Variants in CD82 observed in about 807,000 individuals in gnomAD.
CD82 encodes the protein CD82 antigen.
CD82 carries 36 observed loss-of-function variants against 37.4 expected under a neutral mutation model. That is an observed-to-expected ratio of 0.96 (90% CI 0.74 to 1.27). The LOEUF (loss-of-function observed/expected upper bound fraction) is 1.27. Ranked by LOEUF, CD82 falls within the 50% of genes most tolerant of loss-of-function variation. The probability of loss-of-function intolerance (pLI) is 0.00; values close to 1 mark genes in which losing one functional copy is unlikely to be tolerated. For missense variants in CD82, 340 were observed against 347.0 expected (o/e 0.98, Z 0.16); for synonymous variants, 158 against 137.4 (o/e 1.15, Z -1.05).
At chr11:44,584,210 A>G (rs1227604422) in intron 1 of CD82, among the ~76,000 whole-genome samples, 1 of 152,200 alleles carries the variant, frequency 6.6e-6, no homozygotes, top group African/African-American at 2.4e-5. Flanking sequence ...GTTGGGGCTC[A>G]GAGGGGTTTA....
At chr11:44,603,789 G>A (rs952783323) in intron 4 of CD82, among the ~76,000 whole-genome samples, 1 of 152,142 alleles carries the variant, frequency 6.6e-6, no homozygotes, top group Non-Finnish European at 1.5e-5. Context: ...CTACCTCCCG[G>A]AATGGGCCTG....
Position 44,618,239 on chromosome 11 carries a change from C to T in CD82, c.516C>T (p.Tyr172=). The T allele has an allele frequency of 6.2e-7, 1 of 1,614,134 alleles. No individual in the cohort carries two copies. The highest frequency in any genetic ancestry group is 1.7e-5 in the Admixed American group (1 of 60,024). The change falls in exon 8 of 10, where the codon TAC becomes TAT. Residue 172 remains tyrosine (Y), a synonymous_variant. Coordinates refer to ENST00000227155, the MANE Select transcript of CD82 (RefSeq NM_002231.4). ...TCATGAATCGCCCTGAGGTCACCTA[C>T]CCCTGTTCCTGCGAAGTCAAGGGGG... ...AELMNRPEVT[Y]PCSCEVKGEE... is the part of the protein sequence containing the mutation.
At chr11:44,605,921 T>A (rs980613464) in intron 6 of CD82, among the ~76,000 whole-genome samples, 3 of 152,186 alleles carry the variant, frequency 2.0e-5, no homozygotes, top group Non-Finnish European at 4.4e-5. Flanking sequence ...AATAAAAACA[T>A]CAGTCTTGTG....
At position 44,619,298 on chromosome 11, in the gene CD82, C is replaced by T. The variant is rs1590355322; in HGVS notation, c.*172C>T. 1.0e-5 allele frequency: 6 copies of T among 602,072 alleles called. No individual in the cohort carries two copies. Among genetic ancestry groups the T allele is most frequent in the Non-Finnish European group, 1.8e-5 (6 of 335,288 alleles). The allele number at this position is 602,072 out of a possible 1,614,324, so 37.3% of individuals were successfully genotyped here. On this transcript the variant is annotated 3_prime_UTR_variant, in exon 10 of 10. Transcript: ENST00000227155. ...CTAGCGATCTCTCCTGGCCTATCCG[C>T]TGCCAGCCTTGAGCCCTGGCTGTTC...
At chr11:44,609,988 C>T (rs1853457924) in intron 6 of CD82, among the ~76,000 whole-genome samples, 2 of 152,190 alleles carry the variant, frequency 1.3e-5, no homozygotes, top group South Asian at 2.1e-4. Flanking sequence ...TATCAGGGTA[C>T]TGGGATGCAG....
chr11:44,614,042 T>G (rs939403973), intron 6 of CD82, among the ~76,000 whole-genome samples: 1 of 152,058 alleles, frequency 6.6e-6, no homozygotes, highest in East Asian at 1.9e-4. Flanking sequence ...AGATGGACTC[T>G]TACTCTGTCG....
chr11:44,603,567 C>G (rs1044083028), intron 4 of CD82, among the ~76,000 whole-genome samples: 1 of 152,206 alleles, frequency 6.6e-6, no homozygotes, highest in Non-Finnish European at 1.5e-5. Flanking sequence ...GTAACGGACT[C>G]AAGCATCTGC....
At chr11:44,590,590 AAC>A (rs1410774535) in intron 2 of CD82, among the ~76,000 whole-genome samples, 1 of 108,164 alleles carries the variant, frequency 9.2e-6, no homozygotes, top group Non-Finnish European at 1.8e-5. Flanking sequence ...CAGCCTGGGC[AAC>A]AGAGGGAGAT....
At chr11:44,612,671 C>T (rs1054893933) in intron 6 of CD82, among the ~76,000 whole-genome samples, 17 of 110,284 alleles carry the variant, frequency 1.5e-4, no homozygotes, top group African/African-American at 3.6e-5. Context: ...CTGGCTCTGT[C>T]GCCCAGGCTG....
chr11:44,593,805 A>G (rs984921071), intron 2 of CD82, among the ~76,000 whole-genome samples: 8 of 152,266 alleles, frequency 5.3e-5, no homozygotes, highest in African/African-American at 1.9e-4. Flanking sequence ...CTAACTACAC[A>G]TGAATTTTTT....
chr11:44,616,582 C>A (rs1452798175), intron 7 of CD82, among the ~76,000 whole-genome samples: 1 of 152,126 alleles, frequency 6.6e-6, no homozygotes, highest in Admixed American at 6.5e-5. Context: ...ACTCCCAAGG[C>A]CTGGAGTGCT....
chr11:44,573,301 A>G (rs1289886534), intron 1 of CD82: 1 of 152,268 alleles, frequency 6.6e-6, no homozygotes, highest in African/African-American at 2.4e-5. Flanking sequence ...TTATACTAGT[A>G]CAGTTGGAAA....
chr11:44,587,614 C>G (rs1166578755), intron 2 of CD82, 58 bp downstream of exon 2: 4 of 455,322 alleles, frequency 8.8e-6, no homozygotes, highest in Non-Finnish European at 1.8e-5. Flanking sequence ...GGCTGTGAGG[C>G]GAGGAAGGTG....
At chr11:44,594,547 T>TA in intron 2 of CD82, 96 bp from the exon 3 acceptor site, 3 of 780,868 alleles carry the variant, frequency 3.8e-6, no homozygotes, top group Non-Finnish European at 6.9e-6. Context: ...CTGCATCCTC[T>TA]AAGGCAGGGA....
Position 44,582,048 on chromosome 11 carries a change from G to A in CD82, c.-102-5427G>A, listed in dbSNP as rs1024407088. ...TCTGCCTTGAGATTGCCTTGGTGGT[G>A]GGAAGTAATGGCACAAAGTCAGTAG... On this transcript the variant is annotated intron_variant, in intron 1 of 9. Coordinates refer to ENST00000227155, the MANE Select transcript of CD82 (RefSeq NM_002231.4). Among the ~76,000 whole-genome samples the A allele has an allele frequency of 3.9e-5, 6 of 152,294 alleles. No individual in the cohort carries two copies. The East Asian group carries it at 5.8e-4, about 15-fold the overall frequency.
chr11:44,598,151 G>A (rs1047654837), intron 3 of CD82, among the ~76,000 whole-genome samples: 1 of 152,098 alleles, frequency 6.6e-6, no homozygotes, highest in African/African-American at 2.4e-5. Context: ...GGAGAGGACA[G>A]ATAATACCTC....
At position 44,618,382 on chromosome 11, in the gene CD82, G is replaced by T. The variant is rs2303862; in HGVS notation, c.642+17G>T. ...TACCAGGAGGTGTGCGGGGGGCTGCGGATCGGGGGCGGGGCTCCGAGGGCG... is the reference window on the plus strand; with the variant it reads ...TACCAGGAGGTGTGCGGGGGGCTGCTGATCGGGGGCGGGGCTCCGAGGGCG... On this transcript the variant is annotated intron_variant, in intron 8 of 9. Coordinates refer to ENST00000227155, the MANE Select transcript of CD82 (RefSeq NM_002231.4). 6.2e-7 allele frequency: 1 copy of T among 1,607,304 alleles called. No individual in the cohort carries two copies. Among genetic ancestry groups the T allele is most frequent in the Non-Finnish European group, 8.5e-7 (1 of 1,176,722 alleles).
intron 1 of CD82, among the ~76,000 whole-genome samples, chr11:44,574,954 C>T (rs1852868884): frequency 6.6e-6 from 1 of 152,234 alleles, no homozygotes; most frequent in Admixed American, 6.5e-5. Context: ...TAATGATCGC[C>T]TTGTCCCTAT....
At chr11:44,579,791 G>T (rs184952207) in intron 1 of CD82, among the ~76,000 whole-genome samples, 1 of 152,292 alleles carries the variant, frequency 6.6e-6, no homozygotes, top group African/African-American at 2.4e-5. Flanking sequence ...CCAGATCTCC[G>T]CAGTAGACCA....
Sources: gnomAD v4.1 joint callset for allele counts (sites outside exome capture counted in the v4.1 genomes callset) on GRCh38, gnomAD v4.1.1 for gene constraint, MANE v1.5 for transcripts, NCBI Gene and HGNC (gene_info 2026-07-23, HGNC 2026-07-21) for gene names.